The following SPECC1 variants were observed in gnomAD, a reference collection of about 807,000 sequenced individuals.
The protein encoded by SPECC1 is cytospin-B.
In SPECC1, 62 loss-of-function variants were observed where a neutral mutation model predicts 104.1. The observed-to-expected ratio is 0.60, with a 90% CI of 0.49 to 0.74. The LOEUF is 0.74. Ranked by LOEUF, SPECC1 falls within the 30% of genes least tolerant of loss-of-function variation. SPECC1 has a pLI of 0.00. For missense variants in SPECC1, 1,306 were observed against 1,310.5 expected (o/e 1.00, Z 0.05); for synonymous variants, 513 against 501.6 (o/e 1.02, Z -0.30).
intron 3 of SPECC1, among the ~76,000 whole-genome samples, chr17:20,169,019 T>C (rs749354562): frequency 1.3e-5 from 2 of 152,096 alleles, no homozygotes; most frequent in Non-Finnish European, 2.9e-5. Context: ...ACTACAGGCA[T>C]GCGCTACCAC....
chr17:20,086,785 G>A (rs545061940), intron 1 of SPECC1, among the ~76,000 whole-genome samples: 8 of 152,156 alleles, frequency 5.3e-5, no homozygotes, highest in Non-Finnish European at 8.8e-5. Context: ...AAGAGGGTTT[G>A]TCCCCTTCCT....
intron 1 of SPECC1, among the ~76,000 whole-genome samples, chr17:20,027,899 G>A (rs1212347624): frequency 1.3e-5 from 2 of 151,990 alleles, no homozygotes; most frequent in Non-Finnish European, 2.9e-5. Context: ...GTCCTTTCCA[G>A]CACAAAGGTT....
chr17:20,159,329 C>T (rs1352074351), intron 3 of SPECC1, among the ~76,000 whole-genome samples: 2 of 152,188 alleles, frequency 1.3e-5, no homozygotes, highest in Non-Finnish European at 2.9e-5. Context: ...TCCCAAAGTG[C>T]TGGGATTACA....
At position 20,187,387 on chromosome 17, in the gene SPECC1, A is replaced by C. The variant is rs573066363; in HGVS notation, c.284-16946A>C. Among the ~76,000 whole-genome samples, 4 of 152,294 alleles carry C rather than the reference A, an allele frequency of 2.6e-5. No individual in the cohort carries two copies. In the East Asian group the frequency reaches 7.7e-4, roughly 29 times the overall value. On this transcript the variant is annotated intron_variant, in intron 3 of 14. Transcript: ENST00000395527. ...AGTGAGTCAAGGATGGCAGAGACTC[A>C]ATCAGAATGAGTGTTGAGTAGATGT...
intron 12 of SPECC1, among the ~76,000 whole-genome samples, chr17:20,286,913 G>A (rs933521219): frequency 6.6e-6 from 1 of 152,178 alleles, no homozygotes; most frequent in African/African-American, 2.4e-5. Context: ...CCACGAACTG[G>A]CCCCCAGGGC....
At chr17:20,073,639 A>T (rs2046647837) in intron 1 of SPECC1, 3 of 152,160 alleles carry the variant, frequency 2.0e-5, no homozygotes, top group Admixed American at 2.0e-4. Flanking sequence ...CCCAGAATAG[A>T]GTGGCTGACT....
At chr17:20,266,689 A>G (rs1426836656) in intron 12 of SPECC1, among the ~76,000 whole-genome samples, 1 of 152,228 alleles carries the variant, frequency 6.6e-6, no homozygotes, top group East Asian at 1.9e-4. Flanking sequence ...TCTGGCAGTT[A>G]ACTGAAATAA....
chr17:20,018,926 C>T (rs1053000303), intron 1 of SPECC1, among the ~76,000 whole-genome samples: 11 of 152,296 alleles, frequency 7.2e-5, no homozygotes, highest in Middle Eastern at 3.4e-3. Flanking sequence ...CCACATTCCA[C>T]GCTACCTGAA....
intron 3 of SPECC1, among the ~76,000 whole-genome samples, chr17:20,132,147 G>C (rs756900995): frequency 2.6e-5 from 4 of 152,044 alleles, no homozygotes; most frequent in Non-Finnish European, 5.9e-5. Flanking sequence ...TGCATTGATA[G>C]ATGTGATTAT....
chr17:20,136,454 C>G (rs1331454322), intron 3 of SPECC1, among the ~76,000 whole-genome samples: 1 of 150,348 alleles, frequency 6.7e-6, no homozygotes, highest in East Asian at 1.9e-4. Context: ...TCTGTCTTTT[C>G]AAACTCTAGT....
chr17:20,205,033 T>A lies in SPECC1; in HGVS notation c.984T>A (p.Ala328=), dbSNP rs1395265003. 6.2e-7 allele frequency: 1 copy of A among 1,614,108 alleles called. No homozygotes were observed. Among genetic ancestry groups the A allele is most frequent in the Non-Finnish European group, 8.5e-7 (1 of 1,180,004 alleles). ...CCAAAGCTTCTTTGTCGCCAGATGC[T>A]TCCGACTTTGAGCACATTACAGCAG... ...DVTKASLSPD[A]SDFEHITAET... is the part of the protein sequence containing the mutation. The change falls in exon 4 of 15, where the codon GCT becomes GCA. Residue 328 remains alanine, a synonymous_variant. Coordinates refer to ENST00000395527, the MANE Select transcript of SPECC1 (RefSeq NM_001243439.2).
At position 20,178,146 on chromosome 17, in the gene SPECC1, T is replaced by G. The variant is rs578074654; in HGVS notation, c.284-26187T>G. On this transcript the variant is annotated intron_variant, in intron 3 of 14. Transcript: ENST00000395527. ...AGCAATCCTCCCACCTCAGCCTCCC[T>G]AGTAGCTGGGACTGCAGGCATGAGC... 3.8e-4 allele frequency among the ~76,000 whole-genome samples: 58 copies of G among 151,866 alleles called. 1 individual carries two copies. In the South Asian group the frequency reaches 0.011, roughly 29 times the overall value.
chr17:20,264,156 C>T (rs1486380133), intron 12 of SPECC1, among the ~76,000 whole-genome samples: 1 of 152,152 alleles, frequency 6.6e-6, no homozygotes, highest in East Asian at 1.9e-4. Context: ...ACCATGTGTA[C>T]TTGACTTAAA....
chr17:20,210,211 C>A (rs1480167251), intron 4 of SPECC1, among the ~76,000 whole-genome samples: 1 of 152,184 alleles, frequency 6.6e-6, no homozygotes, highest in Non-Finnish European at 1.5e-5. Context: ...GATCTGGAAA[C>A]CTGGTTTAAA....
Position 20,318,513 on chromosome 17 carries a change from C to A in SPECC1, c.*4448C>A, listed in dbSNP as rs971433769. The A allele has an allele frequency of 1.3e-4, 30 of 231,350 alleles. No individual in the cohort carries two copies. The highest frequency in any genetic ancestry group is 2.3e-4 in the Non-Finnish European group (27 of 116,974). The allele number at this position is 231,350 out of a possible 1,614,324, so 14.3% of individuals were successfully genotyped here. On this transcript the variant is annotated 3_prime_UTR_variant, in exon 15 of 15. Coordinates refer to ENST00000395527, the MANE Select transcript of SPECC1 (RefSeq NM_001243439.2). ...AATCTCTGCCATGTTCTCTTCCCTG[C>A]TGCCCACAAACGTTACGGAGACTCC...
intron 3 of SPECC1, among the ~76,000 whole-genome samples, chr17:20,175,036 G>GC (rs1597884298): frequency 6.6e-6 from 1 of 152,168 alleles, no homozygotes; most frequent in Admixed American, 6.5e-5. Context: ...GGGGTCAGAG[G>GC]CCCCTGGACA....
At position 20,065,110 on chromosome 17, in the gene SPECC1, A is replaced by T. The variant is rs114701009; in HGVS notation, c.-21-31521A>T. ...TGATCTAACCCACCTGTTTTGGAAG[A>T]ACCCTCTCAAACTGGGTTTTTCCTC... is the stretch of plus-strand genomic sequence containing the variant. On this transcript the variant is annotated intron_variant, in intron 1 of 14. Coordinates refer to ENST00000395527, the MANE Select transcript of SPECC1 (RefSeq NM_001243439.2). Among the ~76,000 whole-genome samples the T allele has an allele frequency of 6.6e-3, 1,001 of 152,310 alleles. 12 individuals carry two copies. Among genetic ancestry groups the T allele is most frequent in the African/African-American group, 0.023 (954 of 41,558 alleles).
intron 10 of SPECC1, among the ~76,000 whole-genome samples, chr17:20,256,031 C>T (rs1190883315): frequency 6.6e-6 from 1 of 152,132 alleles, no homozygotes; most frequent in Non-Finnish European, 1.5e-5. Flanking sequence ...GCGCCTGCCA[C>T]CATGCCCGGC....
intron 12 of SPECC1, among the ~76,000 whole-genome samples, chr17:20,286,311 G>A (rs1448443010): frequency 6.6e-6 from 1 of 152,152 alleles, no homozygotes. Context: ...ACAGCCTACA[G>A]AATGCCTGCT....
Sources: allele counts gnomAD v4.1 joint callset (sites outside exome capture counted in the v4.1 genomes callset), GRCh38; gene constraint gnomAD v4.1.1; transcripts MANE v1.5; gene names NCBI Gene and HGNC (gene_info 2026-07-23, HGNC 2026-07-21).